Variants in KRAS observed in about 807,000 individuals in gnomAD.
KRAS encodes GTPase KRas.
A neutral mutation model predicts 21.0 loss-of-function variants in KRAS; 1 was observed. The observed-to-expected ratio is 0.05, with a 90% CI of 0.02 to 0.23. KRAS has a LOEUF of 0.23. Ranked by LOEUF, KRAS falls within the 10% of genes least tolerant of loss-of-function variation. The pLI is 1.00. For missense variants in KRAS, 107 were observed against 221.8 expected (o/e 0.48, Z 3.29); for synonymous variants, 67 against 72.5 (o/e 0.92, Z 0.39).
intron 2 of KRAS, among the ~76,000 whole-genome samples, chr12:25,228,826 C>T (rs1466604993): frequency 7.9e-5 from 12 of 152,112 alleles, no homozygotes; most frequent in Non-Finnish European, 1.8e-4. Context: ...TTTGGGAGGC[C>T]GAGGTGGGCG....
At chr12:25,250,443 T>A (rs1050328871) in intron 1 of KRAS, among the ~76,000 whole-genome samples, 10 of 151,252 alleles carry the variant, frequency 6.6e-5, no homozygotes, top group African/African-American at 2.2e-4. Flanking sequence ...CCCAGAAGCC[T>A]CCAGCCGCGG....
At chr12:25,238,944 C>T (rs1951575770) in intron 2 of KRAS, among the ~76,000 whole-genome samples, 1 of 152,206 alleles carries the variant, frequency 6.6e-6, no homozygotes, top group African/African-American at 2.4e-5. Context: ...GGTCAAAGGA[C>T]ATGTAGTTTA....
chr12:25,205,760 T>TATCA lies in KRAS; in HGVS notation c.*4031_*4034dup, dbSNP rs1226733497. 24 of 219,868 alleles carry TATCA rather than the reference T, an allele frequency of 1.1e-4. No homozygotes were observed. In the Admixed American group the frequency reaches 1.2e-3, roughly 11 times the overall value. The allele number at this position is 219,868 out of a possible 1,614,324, so 13.6% of individuals were successfully genotyped here. ...TTCCCCTAAATTCATCTAAATTACCTATCATTATCCCAAACAGGCACTTCA... is the reference window on the plus strand; with the variant it reads ...TTCCCCTAAATTCATCTAAATTACCTATCAATCATTATCCCAAACAGGCACTTCA... On this transcript the variant is annotated 3_prime_UTR_variant, in exon 5 of 5. Coordinates refer to ENST00000311936, the MANE Select transcript of KRAS (RefSeq NM_004985.5).
chr12:25,214,736 A>C (rs1454389286), intron 4 of KRAS, among the ~76,000 whole-genome samples: 1 of 152,162 alleles, frequency 6.6e-6, no homozygotes, highest in Non-Finnish European at 1.5e-5. Flanking sequence ...ACAATGAATG[A>C]TGGCAGCAAC....
intron 4 of KRAS, among the ~76,000 whole-genome samples, chr12:25,222,230 T>C (rs1951336529): frequency 6.6e-6 from 1 of 150,808 alleles, no homozygotes; most frequent in South Asian, 2.1e-4. Context: ...AGTAACAAAA[T>C]ACTCTGCAGA....
At chr12:25,229,914 G>A (rs1201777961) in intron 2 of KRAS, among the ~76,000 whole-genome samples, 1 of 151,902 alleles carries the variant, frequency 6.6e-6, no homozygotes, top group East Asian at 1.9e-4. Context: ...GATTCTAGGT[G>A]CACGCCACCA....
chr12:25,211,693 G>C (rs1487569509), intron 4 of KRAS, among the ~76,000 whole-genome samples: 2 of 152,172 alleles, frequency 1.3e-5, no homozygotes, highest in African/African-American at 4.8e-5. Flanking sequence ...TACAGTTCAT[G>C]AATTTTCCTA....
intron 4 of KRAS, chr12:25,215,091 TAA>T (rs775121370): frequency 0.043 from 3,714 of 87,348 alleles, 50 homozygotes; most frequent in African/African-American, 0.1. Flanking sequence ...TTCTCCCTAC[TAA>T]AAAAAAAAAA....
Position 25,209,785 on chromosome 12 carries a change from C to A in KRAS, c.*10G>T. The A allele has an allele frequency of 3.7e-6, 6 of 1,605,192 alleles. No individual in the cohort carries two copies. The highest frequency in any genetic ancestry group is 5.1e-6 in the Non-Finnish European group (6 of 1,173,550). On this transcript the variant is annotated 3_prime_UTR_variant, in exon 5 of 5. Transcript: ENST00000311936. ...ACTAGTATGCCTTAAGAAAAAAGTA[C>A]AAATTGTATTTACATAATTACACAC...
At chr12:25,229,901 TG>T (rs1951443635) in intron 2 of KRAS, among the ~76,000 whole-genome samples, 1 of 152,066 alleles carries the variant, frequency 6.6e-6, no homozygotes, top group African/African-American at 2.4e-5. Flanking sequence ...CTTGAGTAGC[TG>T]GGATTCTAGG....
At chr12:25,213,400 T>A (rs184029757) in intron 4 of KRAS, among the ~76,000 whole-genome samples, 1 of 152,350 alleles carries the variant, frequency 6.6e-6, no homozygotes, top group East Asian at 1.9e-4. Flanking sequence ...CATGGTACTG[T>A]TATTTAAAAT....
intron 2 of KRAS, 29 bp downstream of exon 2, chr12:25,245,245 A>T (rs2135805615): frequency 6.3e-7 from 1 of 1,578,090 alleles, no homozygotes; most frequent in South Asian, 1.1e-5. Context: ...GTCCTGCACC[A>T]GTAATATGCA....
intron 2 of KRAS, among the ~76,000 whole-genome samples, chr12:25,239,782 G>A (rs1455874334): frequency 2.0e-5 from 3 of 151,924 alleles, no homozygotes; most frequent in East Asian, 1.9e-4. Flanking sequence ...GTGAAACCCC[G>A]TCTCTACTAA....
chr12:25,242,348 T>C lies in KRAS; in HGVS notation c.111+2926A>G, dbSNP rs951293470. Among the ~76,000 whole-genome samples the C allele has an allele frequency of 5.9e-5, 9 of 152,212 alleles. 2 individuals carry two copies. Among genetic ancestry groups the C allele is most frequent in the Admixed American group, 6.5e-5 (1 of 15,280 alleles). ...ATTCTGATCTCTGTAACTACCTACATTTTTTTAAAACGAGACTTTTCCTCT... is the reference window on the plus strand; with the variant it reads ...ATTCTGATCTCTGTAACTACCTACACTTTTTTAAAACGAGACTTTTCCTCT... On this transcript the variant is annotated intron_variant, in intron 2 of 4. Coordinates refer to ENST00000311936, the MANE Select transcript of KRAS (RefSeq NM_004985.5).
At position 25,209,359 on chromosome 12, in the gene KRAS, A is replaced by G. The variant is rs1373481082; in HGVS notation, c.*436T>C. The G allele has an allele frequency of 6.5e-6, 4 of 618,238 alleles. No individual in the cohort carries two copies. The highest frequency in any genetic ancestry group is 1.1e-5 in the Non-Finnish European group (4 of 376,582). The allele number at this position is 618,238 out of a possible 1,614,324, so 38.3% of individuals were successfully genotyped here. ...AAGCCCATAAATTTGTGTTCCCTCA[A>G]TGTTTCAGTAAAAACCAATTAGAAG... On this transcript the variant is annotated 3_prime_UTR_variant, in exon 5 of 5. Coordinates refer to ENST00000311936, the MANE Select transcript of KRAS (RefSeq NM_004985.5).
Position 25,208,181 on chromosome 12 carries a change from T to TA in KRAS, c.*1613dup. ...TTACATAGTTGTAAAAAAAAAAAAC[T>TA]AAGAGTTTGAGATGACTTCTTTTAA... On this transcript the variant is annotated 3_prime_UTR_variant, in exon 5 of 5. Transcript: ENST00000311936. 8.9e-6 allele frequency: 2 copies of TA among 224,858 alleles called. No individual in the cohort carries two copies. The highest frequency in any genetic ancestry group is 6.3e-5 in the East Asian group (1 of 15,798). The allele number at this position is 224,858 out of a possible 1,614,324, so 13.9% of individuals were successfully genotyped here.
rs16928554 is a variant in KRAS, at chr12:25,235,771, A to G, written c.112-8359T>C. 7.0e-3 allele frequency among the ~76,000 whole-genome samples: 1,065 copies of G among 152,262 alleles called. 7 individuals carry two copies. Among genetic ancestry groups the G allele is most frequent in the African/African-American group, 0.024 (991 of 41,558 alleles). ...GGAGCTCCATATAACTTTAGCTTAG[A>G]ACAGCGGTCCCCAACTTTTCCGGCA... On this transcript the variant is annotated intron_variant, in intron 2 of 4. Coordinates refer to ENST00000311936, the MANE Select transcript of KRAS (RefSeq NM_004985.5).
At chr12:25,232,085 G>GAA (rs942023936) in intron 2 of KRAS, among the ~76,000 whole-genome samples, 1 of 151,930 alleles carries the variant, frequency 6.6e-6, no homozygotes, top group Admixed American at 6.5e-5. Flanking sequence ...ATTTGGTTGG[G>GAA]AAAAAAACGT....
At chr12:25,227,993 C>G (rs11047903) in intron 2 of KRAS, among the ~76,000 whole-genome samples, 27,796 of 151,960 alleles carry the variant, frequency 0.18, 2,691 homozygotes, top group Middle Eastern at 0.24. Flanking sequence ...GTAGTATATA[C>G]ATACAGTGGA....
Sources: gnomAD v4.1 joint callset for allele counts (sites outside exome capture counted in the v4.1 genomes callset) on GRCh38, gnomAD v4.1.1 for gene constraint, MANE v1.5 for transcripts, NCBI Gene and HGNC (gene_info 2026-07-23, HGNC 2026-07-21) for gene names.